Variants in EWSR1 observed in about 807,000 individuals in gnomAD.
EWSR1 encodes the protein RNA-binding protein EWS.
In EWSR1, 14 loss-of-function variants were observed where a neutral mutation model predicts 92.1. That is an observed-to-expected ratio of 0.15 (90% confidence interval 0.10 to 0.24). The LOEUF is 0.24. Ranked by LOEUF, EWSR1 falls within the 10% of genes least tolerant of loss-of-function variation. EWSR1 has a pLI of 1.00. For synonymous variants in EWSR1, 303 were observed against 292.9 expected (o/e 1.03, Z -0.35); for missense variants, 637 against 870.9 (o/e 0.73, Z 3.38).
At position 29,296,374 on chromosome 22, in the gene EWSR1, A is replaced by T. The variant is rs115283640; in HGVS notation, c.1294+6A>T. The T allele has an allele frequency of 2.7e-4, 428 of 1,613,804 alleles. 1 individual carries two copies. In the African/African-American group the frequency reaches 5.2e-3, roughly 20 times the overall value. Reference sequence around the variant, plus strand: ...TGCCGTGGAATGGTTTGATGGTGAGATGTACTCACTGGCATTCTTAATCTC... The same window carrying T: ...TGCCGTGGAATGGTTTGATGGTGAGTTGTACTCACTGGCATTCTTAATCTC... On this transcript the variant is annotated splice_donor_region_variant and intron_variant, in intron 12 of 16. Transcript: ENST00000397938.
intron 4 of EWSR1, chr22:29,274,441 A>G: frequency 5.5e-6 from 4 of 721,800 alleles, no homozygotes; most frequent in South Asian, 1.6e-5. Context: ...TGCCATTTGC[A>G]GATCCATGTC....
chr22:29,284,218 C>T (rs979716408), intron 6 of EWSR1, among the ~76,000 whole-genome samples: 3 of 151,396 alleles, frequency 2.0e-5, no homozygotes, highest in Non-Finnish European at 4.4e-5. Context: ...GATCCGCCCA[C>T]CTTGGCCTCC....
intron 3 of EWSR1, among the ~76,000 whole-genome samples, chr22:29,272,943 T>G (rs1602199205): frequency 6.6e-6 from 1 of 152,198 alleles, no homozygotes; most frequent in African/African-American, 2.4e-5. Context: ...AGCCTTCTAG[T>G]GTTTTCAAGA....
In EWSR1 at chr22:29,287,120, G is replaced by A; in HGVS notation, c.779G>A (p.Ser260Asn). 1 of 1,614,084 alleles carries A rather than the reference G, an allele frequency of 6.2e-7. No individual in the cohort carries two copies. The highest frequency in any genetic ancestry group is 8.5e-7 in the Non-Finnish European group (1 of 1,179,960). The change falls in exon 7 of 17, where the codon AGC becomes AAC. Residue 260 changes from serine to asparagine, a missense_variant. Around this residue, in one of 5 missense-constraint regions of EWSR1, gnomAD observed 116 missense variants for 167.8 expected, o/e 0.69. Transcript: ENST00000397938. ...AGTCAATATAGCCAACAGAGCAGCA[G>A]CTACGGGCAGCAGAGTGAGTTGCTA... ...APSQYSQQSS[S>N]YGQQSSFRQD...
At chr22:29,280,875 T>TG (rs2059534942) in intron 5 of EWSR1, among the ~76,000 whole-genome samples, 4 of 104,742 alleles carry the variant, frequency 3.8e-5, no homozygotes, top group Non-Finnish European at 8.5e-5. Context: ...TTTTTTTTTT[T>TG]TTTTTTTTTT....
At position 29,282,395 on chromosome 22, in the gene EWSR1, A is replaced by C; in HGVS notation, c.419A>C (p.Gln140Pro). ...TTTATTATTTCTCCTCTTAGACCGC[A>C]GGATGGAAACAAGCCCACTGAGACT... ...QPAATAPTRP[Q>P]DGNKPTETSQ... The change falls in exon 6 of 17, where the codon CAG becomes CCG. Residue 140 changes from glutamine (Q) to proline (P), a missense_variant. Around this residue, in one of 5 missense-constraint regions of EWSR1, gnomAD observed 144 missense variants for 189.0 expected, o/e 0.76. Coordinates refer to ENST00000397938, the MANE Select transcript of EWSR1 (RefSeq NM_005243.4). 1 of 1,581,552 alleles carries C rather than the reference A, an allele frequency of 6.3e-7. No individual in the cohort carries two copies. The highest frequency in any genetic ancestry group is 8.6e-7 in the Non-Finnish European group (1 of 1,168,716).
At chr22:29,285,712 ACTCT>A (rs534184933) in intron 6 of EWSR1, among the ~76,000 whole-genome samples, 1 of 150,820 alleles carries the variant, frequency 6.6e-6, no homozygotes, top group Non-Finnish European at 1.5e-5. Context: ...GCCTCACTTC[ACTCT>A]CTCTATATTT....
chr22:29,272,312 C>T (rs2058745261), intron 2 of EWSR1, 60 bp downstream of exon 2: 4 of 1,610,114 alleles, frequency 2.5e-6, no homozygotes, highest in East Asian at 2.2e-5. Context: ...AATATGGAGC[C>T]TTCTATAATT....
At chr22:29,274,775 C>A (rs1331833989) in intron 4 of EWSR1, among the ~76,000 whole-genome samples, 1 of 152,096 alleles carries the variant, frequency 6.6e-6, no homozygotes, top group Non-Finnish European at 1.5e-5. Context: ...ATAAACTATT[C>A]TAAGAATTAG....
At chr22:29,275,695 A>G (rs945818498) in intron 4 of EWSR1, 4 of 229,632 alleles carry the variant, frequency 1.7e-5, no homozygotes, top group African/African-American at 8.8e-5. Flanking sequence ...TCGGATAGTC[A>G]TTGGAGGGAA....
At chr22:29,282,955 G>C (rs1213487532) in intron 6 of EWSR1, among the ~76,000 whole-genome samples, 3 of 151,954 alleles carry the variant, frequency 2.0e-5, no homozygotes, top group African/African-American at 7.3e-5. Context: ...GTAGAGACAG[G>C]GTTTCACTGT....
Position 29,273,704 on chromosome 22 carries a change from T to C in EWSR1, c.103-37T>C, listed in dbSNP as rs4820804. The C allele has an allele frequency of 0.39, 625,593 of 1,596,820 alleles. 125,698 individuals are homozygous for C. The highest frequency in any genetic ancestry group is 0.5 in the Admixed American group (28,418 of 56,942). ...TTTATTGCTAAAATACAAAAGTTCA[T>C]GTATGAAGTTCTTGCATTCGTTTTT... On this transcript the variant is annotated intron_variant, in intron 3 of 16. Transcript: ENST00000397938.
chr22:29,299,732 C>T lies in EWSR1; in HGVS notation c.1812C>T (p.Gly604=). 6.2e-7 allele frequency: 1 copy of T among 1,611,136 alleles called. No individual in the cohort carries two copies. Among genetic ancestry groups the T allele is most frequent in the Non-Finnish European group, 8.5e-7 (1 of 1,178,412 alleles). ...GAGGTGGCTTCCGTGGTGGCCGGGG[C>T]ATGGACCGAGGTGGCTTTGGTGGAG... The part of the protein sequence containing the change: ...GDRGGFRGGR[G]MDRGGFGGGR... Residue 604 remains glycine, a synonymous_variant, in exon 16 of 17, where the codon GGC becomes GGT. Transcript: ENST00000397938.
At chr22:29,295,246 A>T (rs188090434) in intron 11 of EWSR1, among the ~76,000 whole-genome samples, 152 of 152,208 alleles carry the variant, frequency 1.0e-3, no homozygotes, top group African/African-American at 3.4e-3. Flanking sequence ...TATAACATGT[A>T]GTTTATTGAG....
In EWSR1 at chr22:29,297,868, C is replaced by A; in HGVS notation, c.1336C>A (p.Arg446=). 1 of 1,613,954 alleles carries A rather than the reference C, an allele frequency of 6.2e-7. No individual in the cohort carries two copies. Among genetic ancestry groups the A allele is most frequent in the Non-Finnish European group, 8.5e-7 (1 of 1,179,980 alleles). The part of the protein sequence containing the change: ...QGSKLKVSLA[R]KKPPMNSMRG... ...GAGCAAACTTAAAGTCTCCCTTGCTCGGAAGAAGCCTCCAATGAACAGTAT... is the reference window on the plus strand; with the variant it reads ...GAGCAAACTTAAAGTCTCCCTTGCTAGGAAGAAGCCTCCAATGAACAGTAT... Residue 446 remains arginine, a synonymous_variant, in exon 13 of 17, where the codon CGG becomes AGG. Transcript: ENST00000397938.
At chr22:29,278,757 G>A (rs2059323787) in intron 5 of EWSR1, among the ~76,000 whole-genome samples, 1 of 151,958 alleles carries the variant, frequency 6.6e-6, no homozygotes, top group Admixed American at 6.6e-5. Flanking sequence ...CCCGAGAGGC[G>A]GAGCTTGCAG....
At position 29,287,217 on chromosome 22, in the gene EWSR1, T is replaced by C. The variant is rs780535737; in HGVS notation, c.793+83T>C. 3.5e-4 allele frequency: 480 copies of C among 1,390,816 alleles called. 2 individuals are homozygous for C. Among genetic ancestry groups the C allele is most frequent in the Non-Finnish European group, 4.6e-4 (466 of 1,003,304 alleles). The allele number at this position is 1,390,816 out of a possible 1,614,324, so 86.2% of individuals were successfully genotyped here. A position where few individuals can be genotyped will look rare whatever the true frequency, so the allele number is the denominator to read the frequency against. ...GGGTTGATTTTTTTTGTTGGTTTGT[T>C]TTTCTTTTGAGATGGAGTTTCACTC... On this transcript the variant is annotated intron_variant, in intron 7 of 16. Coordinates refer to ENST00000397938, the MANE Select transcript of EWSR1 (RefSeq NM_005243.4).
At chr22:29,279,799 C>T (rs1244860072) in intron 5 of EWSR1, among the ~76,000 whole-genome samples, 9 of 152,188 alleles carry the variant, frequency 5.9e-5, no homozygotes, top group Non-Finnish European at 1.2e-4. Context: ...AACTTAGTGG[C>T]TTATTCCTGA....
intron 1 of EWSR1, among the ~76,000 whole-genome samples, chr22:29,271,502 C>T (rs1372534789): frequency 6.6e-6 from 1 of 152,146 alleles, no homozygotes; most frequent in Non-Finnish European, 1.5e-5. Flanking sequence ...GTATGAAAGA[C>T]AATGGTGTTA....
Sources: allele counts gnomAD v4.1 joint callset (sites outside exome capture counted in the v4.1 genomes callset), GRCh38; gene constraint gnomAD v4.1.1; regional missense constraint gnomAD v4.1.1; transcripts MANE v1.5; gene names NCBI Gene and HGNC (gene_info 2026-07-23, HGNC 2026-07-21).